The following ZSWIM1 variants were observed in gnomAD, a reference collection of about 807,000 sequenced individuals.
ZSWIM1 encodes the protein zinc finger SWIM-type containing 1, also known as zinc finger SWIM domain-containing protein 1.
In ZSWIM1, 22 loss-of-function variants were observed where a neutral mutation model predicts 29.3. The observed-to-expected ratio is 0.75, with a 90% CI of 0.54 to 1.07. The LOEUF is 1.07. ZSWIM1 is among the 50% of genes least tolerant of loss of function. The probability of loss-of-function intolerance (pLI) is 0.00; values close to 1 mark genes in which losing one functional copy is unlikely to be tolerated. For synonymous variants in ZSWIM1, 228 were observed against 240.8 expected (o/e 0.95, Z 0.49); for missense variants, 511 against 596.2 (o/e 0.86, Z 1.49).
rs1044301574 is a variant in ZSWIM1 at position 45,884,870 on chromosome 20, G to A, written c.*820G>A. The A allele has an allele frequency of 4.2e-5, 7 of 165,140 alleles. No homozygotes were observed. The highest frequency in any genetic ancestry group is 1.4e-4 in the African/African-American group (6 of 41,404). The allele number at this position is 165,140 out of a possible 1,614,324, so 10.2% of individuals were successfully genotyped here. On this transcript the variant is annotated 3_prime_UTR_variant, in exon 2 of 2. Coordinates refer to ENST00000372523, the MANE Select transcript of ZSWIM1 (RefSeq NM_080603.5). ...TACTAAAAATACACAAATTAGCCAGGTGTGGTGGCGGGGGCCCTGTAATCC... is the reference window on the plus strand; with the variant it reads ...TACTAAAAATACACAAATTAGCCAGATGTGGTGGCGGGGGCCCTGTAATCC...
chr20:45,881,902 C>T (rs1418061738), intron 1 of ZSWIM1, among the ~76,000 whole-genome samples: 1 of 152,192 alleles, frequency 6.6e-6, no homozygotes, highest in East Asian at 1.9e-4. Flanking sequence ...AGCTGGAGTG[C>T]AGTGGCGCAA....
Position 45,883,195 on chromosome 20 carries a change from A to G in ZSWIM1, c.603A>G (p.Thr201=). 6.2e-7 allele frequency: 1 copy of G among 1,613,978 alleles called. No homozygotes were observed. Among genetic ancestry groups the G allele is most frequent in the South Asian group, 1.1e-5 (1 of 91,088 alleles). ...ERLLLTSLQS[T]MCSATAGNLR... Reference sequence around the variant, plus strand: ...TGCTCCTGACCTCCCTGCAGAGCACAATGTGCTCAGCCACAGCAGGCAACC... The same window carrying G: ...TGCTCCTGACCTCCCTGCAGAGCACGATGTGCTCAGCCACAGCAGGCAACC... Residue 201 remains threonine (T), a synonymous_variant, in exon 2 of 2, where the codon ACA becomes ACG. Coordinates refer to ENST00000372523, the MANE Select transcript of ZSWIM1 (RefSeq NM_080603.5).
In ZSWIM1 at chr20:45,884,110, A is replaced by G. The variant is rs1425111940; in HGVS notation, c.*60A>G. ...TGCACACTCACATCCACCCATACAC[A>G]CACACACACACACACACACACACAC... On this transcript the variant is annotated 3_prime_UTR_variant, in exon 2 of 2. Transcript: ENST00000372523. 9.3e-7 allele frequency: 1 copy of G among 1,069,640 alleles called. No homozygotes were observed. Among genetic ancestry groups the G allele is most frequent in the Non-Finnish European group, 1.2e-6 (1 of 801,794 alleles). The allele number at this position is 1,069,640 out of a possible 1,614,324, so 66.3% of individuals were successfully genotyped here.
At position 45,883,512 on chromosome 20, in the gene ZSWIM1, C is replaced by A. The variant is rs370000237; in HGVS notation, c.920C>A (p.Ala307Asp). The A allele has an allele frequency of 2.1e-5, 34 of 1,614,120 alleles. No individual in the cohort carries two copies. The highest frequency in any genetic ancestry group is 2.7e-5 in the African/African-American group (2 of 74,930). ...GGCCTGTGTGCCCAGAACAATCATG[C>A]TCCCTCAGACACCATCCCCGAAAGC... The part of the protein sequence containing the change: ...NQGLCAQNNH[A>D]PSDTIPESPK... Residue 307 changes from alanine to aspartate, a missense_variant, in exon 2 of 2, where the codon GCT (alanine) becomes GAT (aspartate). Physicochemically the swap from Ala to Asp is moderately radical, Grantham distance 126. Coordinates refer to ENST00000372523, the MANE Select transcript of ZSWIM1 (RefSeq NM_080603.5).
rs556202759 is a variant in ZSWIM1 at position 45,884,215 on chromosome 20, T to G, written c.*165T>G. 1.5e-3 allele frequency: 1,361 copies of G among 913,206 alleles called. 1 individual carries two copies. The highest frequency in any genetic ancestry group is 1.9e-3 in the Non-Finnish European group (1,183 of 610,152). The allele number at this position is 913,206 out of a possible 1,614,324, so 56.6% of individuals were successfully genotyped here. On this transcript the variant is annotated 3_prime_UTR_variant, in exon 2 of 2. Coordinates refer to ENST00000372523, the MANE Select transcript of ZSWIM1 (RefSeq NM_080603.5). ...ACAACAAGGACAAGGTTGAAGGGTC[T>G]TCTCATCTACCATGGCCTGCTACCT...
At position 45,883,702 on chromosome 20, in the gene ZSWIM1, T is replaced by C. The variant is rs1986373021; in HGVS notation, c.1110T>C (p.Asp370=). ...SEKMNIQILE[D]THKVQPQPPA... Reference sequence around the variant, plus strand: ...AGATGAACATACAGATCCTGGAAGATACCCATAAGGTGCAGCCCCAGCCCC... The same window carrying C: ...AGATGAACATACAGATCCTGGAAGACACCCATAAGGTGCAGCCCCAGCCCC... Residue 370 remains aspartate (D), a synonymous_variant, in exon 2 of 2, where the codon GAT becomes GAC. Coordinates refer to ENST00000372523, the MANE Select transcript of ZSWIM1 (RefSeq NM_080603.5). 1 of 1,614,026 alleles carries C rather than the reference T, an allele frequency of 6.2e-7. No individual in the cohort carries two copies. Among genetic ancestry groups the C allele is most frequent in the Admixed American group, 1.7e-5 (1 of 60,002 alleles).
intron 1 of ZSWIM1, among the ~76,000 whole-genome samples, chr20:45,881,852 T>C (rs1251986363): frequency 6.6e-6 from 1 of 152,202 alleles, no homozygotes; most frequent in Non-Finnish European, 1.5e-5. Context: ...ATTTTTATTT[T>C]ATTTTATTTT....
In ZSWIM1 at chr20:45,882,530, T is replaced by G; in HGVS notation, c.-60-3T>G. On this transcript the variant is annotated splice_polypyrimidine_tract_variant and splice_region_variant and intron_variant, in intron 1 of 1. Coordinates refer to ENST00000372523, the MANE Select transcript of ZSWIM1 (RefSeq NM_080603.5). ...CTCCTTAAACCTCTGTTACTCTCCA[T>G]AGGCCCATCTTTGGAAAAAAGATCT... is the stretch of plus-strand genomic sequence containing the variant. 1 of 1,557,066 alleles carries G rather than the reference T, an allele frequency of 6.4e-7. No homozygotes were observed. The highest frequency in any genetic ancestry group is 8.7e-7 in the Non-Finnish European group (1 of 1,153,294).
At position 45,882,885 on chromosome 20, in the gene ZSWIM1, A is replaced by G. The variant is rs767774308; in HGVS notation, c.293A>G (p.Asp98Gly). The change falls in exon 2 of 2, where the codon GAT becomes GGT. Residue 98 changes from aspartate (D) to glycine (G), a missense_variant. Asp to Gly is a moderately conservative substitution (Grantham distance 94). Transcript: ENST00000372523. ...RGKVLYTFLV[D>G]GPRVQLEGHL... is the part of the protein sequence containing the mutation. ...AAGGTCTTATATACCTTCCTGGTGGATGGACCTCGGGTGCAGCTGGAGGGT... is the reference window on the plus strand; with the variant it reads ...AAGGTCTTATATACCTTCCTGGTGGGTGGACCTCGGGTGCAGCTGGAGGGT... 4 of 1,614,214 alleles carry G rather than the reference A, an allele frequency of 2.5e-6. No homozygotes were observed. The highest frequency in any genetic ancestry group is 2.5e-6 in the Non-Finnish European group (3 of 1,180,042).
chr20:45,883,287 A>G lies in ZSWIM1; in HGVS notation c.695A>G (p.His232Arg). The G allele has an allele frequency of 6.2e-7, 1 of 1,614,030 alleles. No homozygotes were observed. The highest frequency in any genetic ancestry group is 8.5e-7 in the Non-Finnish European group (1 of 1,180,032). ...GCCAAGCTGCCCGAGCTTCACTCACACTGGCTGCTCAACGACCGCATCTGG... is the reference window on the plus strand; with the variant it reads ...GCCAAGCTGCCCGAGCTTCACTCACGCTGGCTGCTCAACGACCGCATCTGG... The part of the protein sequence containing the change: ...PPAKLPELHS[H>R]WLLNDRIWLA... The change falls in exon 2 of 2, where the codon CAC becomes CGC. Residue 232 changes from histidine (H) to arginine (R), a missense_variant. Physicochemically the swap from His to Arg is conservative, Grantham distance 29. Coordinates refer to ENST00000372523, the MANE Select transcript of ZSWIM1 (RefSeq NM_080603.5).
Position 45,883,628 on chromosome 20 carries a change from C to T in ZSWIM1, c.1036C>T (p.Leu346Phe). ...AGCAGCCCAACTGTGCCTGGGCGAG[C>T]TTGCTGTGGTCCAGAAATCCACACA... ...GPAAQLCLGE[L>F]AVVQKSTHLI... Residue 346 changes from leucine (L) to phenylalanine (F), a missense_variant, in exon 2 of 2, where the codon CTT becomes TTT. Transcript: ENST00000372523. The T allele has an allele frequency of 6.2e-7, 1 of 1,614,226 alleles. No individual in the cohort carries two copies. Among genetic ancestry groups the T allele is most frequent in the Non-Finnish European group, 8.5e-7 (1 of 1,180,034 alleles).
rs764763079 is a variant in ZSWIM1, at chr20:45,883,096, C to G, written c.504C>G (p.Leu168=). 1.1e-5 allele frequency: 17 copies of G among 1,614,218 alleles called. No individual in the cohort carries two copies. Among genetic ancestry groups the G allele is most frequent in the Non-Finnish European group, 1.4e-5 (17 of 1,180,030 alleles). Residue 168 remains leucine, a synonymous_variant, in exon 2 of 2, where the codon CTC becomes CTG. Coordinates refer to ENST00000372523, the MANE Select transcript of ZSWIM1 (RefSeq NM_080603.5). ...AMEFPTAEVL[L]SAFHICKFLQ... ...AGTTCCCCACAGCTGAGGTCCTTCT[C>G]TCAGCCTTCCACATTTGTAAGTTCC...
Position 45,882,879 on chromosome 20 carries a change from TGGTGGATGGACCTCG to T in ZSWIM1, c.292_306del (p.Asp98_Val102del). The T allele has an allele frequency of 6.2e-7, 1 of 1,614,250 alleles. No homozygotes were observed. Among genetic ancestry groups the T allele is most frequent in the African/African-American group, 1.3e-5 (1 of 75,068 alleles). On this transcript the variant is annotated inframe_deletion, in exon 2 of 2. Coordinates refer to ENST00000372523, the MANE Select transcript of ZSWIM1 (RefSeq NM_080603.5). ...AGGGGTAAGGTCTTATATACCTTCC[TGGTGGATGGACCTCG>T]GGTGCAGCTGGAGGGTCATCTTGCC...
At chr20:45,881,005 G>C (rs1172685098), upstream of ZSWIM1, among the ~76,000 whole-genome samples, 2 of 152,196 alleles carry the variant, frequency 1.3e-5, no homozygotes, top group Non-Finnish European at 2.9e-5. Context: ...GGAAGCCCCG[G>C]AGCTCCAGCT....
rs1257429996 is a variant in ZSWIM1, at chr20:45,884,035, G to A, written c.1443G>A (p.Glu481=). Residue 481 remains glutamate (E), a synonymous_variant, in exon 2 of 2, where the codon GAG becomes GAA. Coordinates refer to ENST00000372523, the MANE Select transcript of ZSWIM1 (RefSeq NM_080603.5). ...ELADSWIGPY[E]QVQL ...CCGACAGCTGGATTGGGCCTTATGAGCAGGTCCAACTCTGATTATTCTCGA... is the reference window on the plus strand; with the variant it reads ...CCGACAGCTGGATTGGGCCTTATGAACAGGTCCAACTCTGATTATTCTCGA... 1 of 1,612,542 alleles carries A rather than the reference G, an allele frequency of 6.2e-7. No homozygotes were observed. Among genetic ancestry groups the A allele is most frequent in the South Asian group, 1.1e-5 (1 of 91,008 alleles).
rs780219707 is a variant in ZSWIM1, at chr20:45,883,792, G to C, written c.1200G>C (p.Met400Ile). 6.2e-7 allele frequency: 1 copy of C among 1,613,666 alleles called. No individual in the cohort carries two copies. Among genetic ancestry groups the C allele is most frequent in the Non-Finnish European group, 8.5e-7 (1 of 1,180,012 alleles). The change falls in exon 2 of 2, where the codon ATG becomes ATC. Residue 400 changes from methionine (M) to isoleucine (I), a missense_variant. Met to Ile is a conservative substitution (Grantham distance 10). Coordinates refer to ENST00000372523, the MANE Select transcript of ZSWIM1 (RefSeq NM_080603.5). ...FHLPCRHILA[M>I]LSARRQVLQP... is the part of the protein sequence containing the mutation. ...TGCCCTGCCGCCACATCCTAGCCATGCTCAGTGCCCGCCGCCAGGTGCTCC... is the reference window on the plus strand; with the variant it reads ...TGCCCTGCCGCCACATCCTAGCCATCCTCAGTGCCCGCCGCCAGGTGCTCC...
rs1436955482 is a variant in ZSWIM1, at chr20:45,884,597, C to T, written c.*547C>T. 1.8e-5 allele frequency: 3 copies of T among 166,618 alleles called. No homozygotes were observed. Among genetic ancestry groups the T allele is most frequent in the South Asian group, 2.1e-4 (1 of 4,820 alleles). 10.3% of individuals were successfully genotyped at this position (166,618 alleles called of 1,614,324 possible). On this transcript the variant is annotated 3_prime_UTR_variant, in exon 2 of 2. Transcript: ENST00000372523. ...CAGGATGGTCTCGATCTCCTGACTT[C>T]GTGATCTGCCCGCCTCGGCCTCCCA...
chr20:45,882,751 C>G lies in ZSWIM1; in HGVS notation c.159C>G (p.Asn53Lys), dbSNP rs781353496. Reference sequence around the variant, plus strand: ...CACCTATGCTGCTGCACCAGGTTAACAAGACTGCCCAGTTAGATACCTTCA... The same window carrying G: ...CACCTATGCTGCTGCACCAGGTTAAGAAGACTGCCCAGTTAGATACCTTCA... ...SSPPMLLHQV[N>K]KTAQLDTFNY... Residue 53 changes from asparagine (N) to lysine (K), a missense_variant, in exon 2 of 2, where the codon AAC (asparagine) becomes AAG (lysine). Coordinates refer to ENST00000372523, the MANE Select transcript of ZSWIM1 (RefSeq NM_080603.5). 3 of 1,614,272 alleles carry G rather than the reference C, an allele frequency of 1.9e-6. No individual in the cohort carries two copies. The highest frequency in any genetic ancestry group is 2.5e-6 in the Non-Finnish European group (3 of 1,180,040).
Position 45,882,623 on chromosome 20 carries a change from G to C in ZSWIM1, c.31G>C (p.Ala11Pro). The C allele has an allele frequency of 1.2e-6, 2 of 1,614,052 alleles. No homozygotes were observed. The highest frequency in any genetic ancestry group is 1.7e-6 in the Non-Finnish European group (2 of 1,179,966). The change falls in exon 2 of 2, where the codon GCT becomes CCT. Residue 11 changes from alanine to proline, a missense_variant. Physicochemically the swap from Ala to Pro is conservative, Grantham distance 27. Transcript: ENST00000372523. MLERLKAPWS[A>P]ALQRKYFDLG... is the part of the protein sequence containing the mutation. The stretch of plus-strand genomic sequence containing the variant: ...TGAGAGACTCAAAGCCCCGTGGTCA[G>C]CTGCCCTGCAAAGAAAGTATTTTGA...
Sources: allele counts gnomAD v4.1 joint callset (sites outside exome capture counted in the v4.1 genomes callset), GRCh38; gene constraint gnomAD v4.1.1; transcripts MANE v1.5; gene names NCBI Gene and HGNC (gene_info 2026-07-23, HGNC 2026-07-21).